ZBTB38: variants seen among roughly 807,000 people sequenced by gnomAD.
ZBTB38 encodes zinc finger and BTB domain-containing protein 38.
A neutral mutation model predicts 76.8 loss-of-function variants in ZBTB38; 20 were observed. That is an observed-to-expected ratio of 0.26 (90% CI 0.18 to 0.38). The LOEUF is 0.38. Among genes scored for constraint, ZBTB38 ranks in the 10% least tolerant of loss-of-function variants. The pLI, the probability that ZBTB38 is intolerant of heterozygous loss-of-function variation, is 1.00. For missense variants in ZBTB38, 1,082 were observed against 1,482.3 expected (o/e 0.73, Z 4.43); for synonymous variants, 504 against 544.2 (o/e 0.93, Z 1.03).
chr3:141,358,020 G>A (rs1424732810), intron 1 of ZBTB38, among the ~76,000 whole-genome samples: 1 of 152,140 alleles, frequency 6.6e-6, no homozygotes, highest in Non-Finnish European at 1.5e-5. Context: ...GGCTATTATG[G>A]TAGCCACATA....
intron 4 of ZBTB38, among the ~76,000 whole-genome samples, chr3:141,394,670 G>A (rs1301849149): frequency 6.6e-6 from 1 of 152,112 alleles, no homozygotes; most frequent in Admixed American, 6.5e-5. Context: ...CCCCTAGTCT[G>A]AGTGCCTGTG....
Position 141,444,373 on chromosome 3 carries a change from T to C in ZBTB38, c.1985T>C (p.Met662Thr). Residue 662 changes from methionine (M) to threonine (T), a missense_variant, in exon 6 of 6, where the codon ATG (methionine) becomes ACG (threonine). By Grantham distance (81) the Met-to-Thr change is moderately conservative. Transcript: ENST00000321464. This position sits in a 1 kb window ranked among gnomAD's most constrained non-coding sequence, Gnocchi z 5.1. ...AAATGGGGAGAGGAGGCATTGAAAA[T>C]GGATCTTGACAATAACTTTTATTCA... is the stretch of plus-strand genomic sequence containing the variant. ...GTKWGEEALK[M>T]DLDNNFYSTE... 3 of 1,614,100 alleles carry C rather than the reference T, an allele frequency of 1.9e-6. No homozygotes were observed. The highest frequency in any genetic ancestry group is 2.5e-6 in the Non-Finnish European group (3 of 1,180,026).
chr3:141,432,387 C>A, intron 5 of ZBTB38: 5 of 612,946 alleles, frequency 8.2e-6, no homozygotes, highest in Non-Finnish European at 8.2e-6. Context: ...GCTGCGTGGC[C>A]AAGGGCTGGC....
intron 2 of ZBTB38, among the ~76,000 whole-genome samples, chr3:141,370,765 C>T (rs1004022020): frequency 6.6e-6 from 1 of 152,194 alleles, no homozygotes; most frequent in African/African-American, 2.4e-5. Flanking sequence ...TCTCAGGATC[C>T]TCTTGGTCTA....
chr3:141,388,518 G>T (rs1468786042), intron 4 of ZBTB38: 2 of 152,124 alleles, frequency 1.3e-5, no homozygotes, highest in African/African-American at 4.8e-5. Flanking sequence ...AGACCATATA[G>T]CTGTGGTTCT....
At chr3:141,401,775 T>C (rs1292246457) in intron 4 of ZBTB38, among the ~76,000 whole-genome samples, 1 of 152,194 alleles carries the variant, frequency 6.6e-6, no homozygotes, top group East Asian at 1.9e-4. Flanking sequence ...GAGCAGCCCC[T>C]GGATCTTGGA....
intron 4 of ZBTB38, chr3:141,388,947 G>C (rs1947957866): frequency 6.6e-6 from 1 of 152,162 alleles, no homozygotes; most frequent in South Asian, 2.1e-4. Context: ...ATTATCACAA[G>C]TTCACCAGCG....
At chr3:141,430,146 A>G (rs1577373448) in intron 5 of ZBTB38, among the ~76,000 whole-genome samples, 1 of 151,650 alleles carries the variant, frequency 6.6e-6, no homozygotes, top group African/African-American at 2.4e-5. Flanking sequence ...GCTCACTGCA[A>G]CCTCTGCCTC....
chr3:141,354,255 C>T (rs1010007435), intron 1 of ZBTB38, among the ~76,000 whole-genome samples: 5 of 152,156 alleles, frequency 3.3e-5, no homozygotes, highest in Non-Finnish European at 7.4e-5. Context: ...TGCTAATCCT[C>T]TTTAAACCCT....
intron 1 of ZBTB38, among the ~76,000 whole-genome samples, chr3:141,327,657 G>T: frequency 6.6e-6 from 1 of 152,170 alleles, no homozygotes; most frequent in Non-Finnish European, 1.5e-5. Flanking sequence ...AAAAACTAAG[G>T]AAACTGAATA....
intron 1 of ZBTB38, among the ~76,000 whole-genome samples, chr3:141,357,647 G>A (rs1211556852): frequency 6.6e-6 from 1 of 151,760 alleles, no homozygotes; most frequent in African/African-American, 2.4e-5. Flanking sequence ...CTCCTGCCTC[G>A]GCCTCCTGAG....
chr3:141,418,917 C>A (rs779717336), intron 5 of ZBTB38, among the ~76,000 whole-genome samples: 2 of 152,190 alleles, frequency 1.3e-5, no homozygotes, highest in Admixed American at 6.5e-5. Flanking sequence ...ATCACCTGGT[C>A]AGCAGTGTGC....
rs970397775 is a variant in ZBTB38, at chr3:141,447,342, T to C, written c.*1366T>C. 6.6e-6 allele frequency: 1 copy of C among 152,612 alleles called. No individual in the cohort carries two copies. The highest frequency in any genetic ancestry group is 2.4e-5 in the African/African-American group (1 of 41,436). The allele number at this position is 152,612 out of a possible 1,614,324, so 9.5% of individuals were successfully genotyped here. On this transcript the variant is annotated 3_prime_UTR_variant, in exon 6 of 6. Transcript: ENST00000321464. The stretch of plus-strand genomic sequence containing the variant: ...TCAGAAATATATCTACAAAGCCAGA[T>C]GCTCTGTCTTCATATTTGCAGACAT...
chr3:141,410,831 G>A (rs1956372198), intron 5 of ZBTB38, among the ~76,000 whole-genome samples: 2 of 152,118 alleles, frequency 1.3e-5, no homozygotes, highest in Admixed American at 6.5e-5. Flanking sequence ...AAACATTTAC[G>A]CAGGGAGAGA....
chr3:141,337,628 A>G (rs1943052659), intron 1 of ZBTB38, among the ~76,000 whole-genome samples: 1 of 152,188 alleles, frequency 6.6e-6, no homozygotes, highest in African/African-American at 2.4e-5. Flanking sequence ...TTTTTAGTTG[A>G]TAAATTGTGG....
At chr3:141,357,127 G>T (rs1456720468) in intron 1 of ZBTB38, among the ~76,000 whole-genome samples, 1 of 152,104 alleles carries the variant, frequency 6.6e-6, no homozygotes, top group Non-Finnish European at 1.5e-5. Context: ...TTGCCAATGC[G>T]ACAGGCAAAT....
At chr3:141,418,420 C>A (rs77425777) in intron 5 of ZBTB38, among the ~76,000 whole-genome samples, 1 of 152,292 alleles carries the variant, frequency 6.6e-6, no homozygotes, top group East Asian at 1.9e-4. Context: ...CGAGCCCCCC[C>A]TCCCTTGCAC....
intron 5 of ZBTB38, among the ~76,000 whole-genome samples, chr3:141,411,162 A>T (rs1420305897): frequency 3.3e-5 from 5 of 152,212 alleles, no homozygotes; most frequent in Non-Finnish European, 7.3e-5. Flanking sequence ...ACAAAGATGA[A>T]TTCATTATCT....
chr3:141,415,165 A>G (rs2073687603), intron 5 of ZBTB38, among the ~76,000 whole-genome samples: 1 of 152,056 alleles, frequency 6.6e-6, no homozygotes, highest in African/African-American at 2.4e-5. Context: ...TACCTCAGCC[A>G]TCTCCACCCT....
Sources: allele counts gnomAD v4.1 joint callset (sites outside exome capture counted in the v4.1 genomes callset), GRCh38; gene constraint gnomAD v4.1.1; non-coding constraint Gnocchi (gnomAD v3.1); transcripts MANE v1.5; gene names NCBI Gene and HGNC (gene_info 2026-07-23, HGNC 2026-07-21).